FMO3: variants seen among roughly 807,000 people sequenced by gnomAD.
FMO3 encodes flavin containing dimethylaniline monoxygenase 3.
In FMO3, 40 loss-of-function variants were observed where a neutral mutation model predicts 39.4. That is an observed-to-expected ratio of 1.02 (90% confidence interval 0.79 to 1.32). The LOEUF is 1.32. Ranked by LOEUF, FMO3 falls within the 40% of genes most tolerant of loss-of-function variation. The probability of loss-of-function intolerance (pLI) is 0.00; values close to 1 mark genes in which losing one functional copy is unlikely to be tolerated. For missense variants in FMO3, 680 were observed against 651.8 expected (o/e 1.04, Z -0.47); for synonymous variants, 219 against 228.8 (o/e 0.96, Z 0.39).
rs778868969 is a variant in FMO3 at position 171,107,838 on chromosome 1, G to A, written c.484+1G>A. On this transcript the variant is annotated splice_donor_variant, in intron 4 of 8. Transcript: ENST00000367755. LOFTEE classifies it high-confidence loss of function. ...AACCTACCAAAAGAGTCCTTTCCAG[G>A]TAAGGCCAAAATTTAAGCTGCTAGC... 3 of 1,613,530 alleles carry A rather than the reference G, an allele frequency of 1.9e-6. No individual in the cohort carries two copies. Among genetic ancestry groups the A allele is most frequent in the Admixed American group, 1.7e-5 (1 of 59,970 alleles).
rs1245007185 is a variant in FMO3 at position 171,103,763 on chromosome 1, A to AT, written c.133-19dup. The AT allele has an allele frequency of 1.9e-6, 3 of 1,600,868 alleles. No homozygotes were observed. In the South Asian group the frequency reaches 3.3e-5, roughly 18 times the overall value. Reference sequence around the variant, plus strand: ...TATACTCATTTACCAATTCGCTTCCATTTGATACTATACATTCACAGGACC... The same window carrying AT: ...TATACTCATTTACCAATTCGCTTCCATTTTGATACTATACATTCACAGGACC... On this transcript the variant is annotated intron_variant, in intron 2 of 8. Transcript: ENST00000367755.
intron 6 of FMO3, 66 bp downstream of exon 6, chr1:171,111,063 C>A: frequency 7.9e-7 from 1 of 1,262,118 alleles, no homozygotes; most frequent in East Asian, 2.3e-5. Flanking sequence ...CCTTAATGTC[C>A]TGTAAGCCCA....
chr1:171,095,748 T>C (rs910575760), intron 2 of FMO3, among the ~76,000 whole-genome samples: 30 of 120,992 alleles, frequency 2.5e-4, no homozygotes, highest in Non-Finnish European at 2.7e-4. Flanking sequence ...ATATCTATAA[T>C]AATATAAATA....
Position 171,110,788 on chromosome 1 carries a change from GT to G in FMO3, c.628-4del. On this transcript the variant is annotated splice_polypyrimidine_tract_variant and intron_variant, in intron 5 of 8. Coordinates refer to ENST00000367755, the MANE Select transcript of FMO3 (RefSeq NM_001002294.3). ...TCACTAATTTCATGGTTGAATTGGT[GT>G]TTTTTAAGGTCATGATCAGTTCCAG... The G allele has an allele frequency of 1.2e-6, 2 of 1,613,586 alleles. No individual in the cohort carries two copies. Among genetic ancestry groups the G allele is most frequent in the South Asian group, 1.1e-5 (1 of 91,070 alleles).
At chr1:171,092,827 G>A in intron 2 of FMO3, 37 bp downstream of exon 2, 3 of 1,610,838 alleles carry the variant, frequency 1.9e-6, no homozygotes, top group Non-Finnish European at 2.5e-6. Context: ...AGGAAAATAG[G>A]TTGGGAAGTG....
chr1:171,091,161 G>A (rs1006017032), intron 1 of FMO3, among the ~76,000 whole-genome samples, 180 bp downstream of exon 1: 4 of 149,864 alleles, frequency 2.7e-5, no homozygotes, highest in Non-Finnish European at 5.9e-5. Flanking sequence ...GGGAGGCAGA[G>A]GTTGCAGTGA....
At chr1:171,103,551 A>G (rs2101908293) in intron 2 of FMO3, among the ~76,000 whole-genome samples, 1 of 152,336 alleles carries the variant, frequency 6.6e-6, no homozygotes, top group Admixed American at 6.5e-5. Flanking sequence ...TTTACATTGC[A>G]TTAGGTATTA....
chr1:171,108,402 A>G (rs766154092), intron 5 of FMO3, among the ~76,000 whole-genome samples, 181 bp downstream of exon 5: 7 of 152,198 alleles, frequency 4.6e-5, no homozygotes, highest in Non-Finnish European at 1.0e-4. Flanking sequence ...TTCATAGACA[A>G]AGGCAGAACA....
chr1:171,114,471 A>G, intron 7 of FMO3, 109 bp downstream of exon 7: 1 of 809,920 alleles, frequency 1.2e-6, no homozygotes, highest in Non-Finnish European at 2.1e-6. Context: ...TCAGTTTTGA[A>G]AATTTATAAT....
intron 2 of FMO3, among the ~76,000 whole-genome samples, chr1:171,093,753 A>G (rs1407040691): frequency 6.6e-6 from 1 of 151,116 alleles, no homozygotes; most frequent in Non-Finnish European, 1.5e-5. Flanking sequence ...ATTCTTTGTG[A>G]AATCTCCATA....
intron 2 of FMO3, among the ~76,000 whole-genome samples, chr1:171,094,558 A>G (rs895821132): frequency 6.6e-6 from 1 of 152,028 alleles, no homozygotes; most frequent in Non-Finnish European, 1.5e-5. Flanking sequence ...TTTTTCTAGA[A>G]TTTTTATAGT....
intron 2 of FMO3, among the ~76,000 whole-genome samples, chr1:171,099,194 G>A (rs1038877186): frequency 6.6e-6 from 1 of 152,128 alleles, no homozygotes. Flanking sequence ...CAGTTTCCAC[G>A]TAGTTGAGCG....
chr1:171,114,913 G>C (rs1656075104), intron 7 of FMO3, among the ~76,000 whole-genome samples: 1 of 152,204 alleles, frequency 6.6e-6, no homozygotes, highest in Non-Finnish European at 1.5e-5. Context: ...AATAGAGGCA[G>C]AAAGTGCTCA....
In FMO3 at chr1:171,117,632, A is replaced by C. The variant is rs528695978; in HGVS notation, c.*190A>C. Reference sequence around the variant, plus strand: ...TAGCCACTTTAAGAATCATGTCATGATCTTAAGAGAGCACTAATCATTTCT... The same window carrying C: ...TAGCCACTTTAAGAATCATGTCATGCTCTTAAGAGAGCACTAATCATTTCT... On this transcript the variant is annotated 3_prime_UTR_variant, in exon 9 of 9. Transcript: ENST00000367755. 43 of 542,622 alleles carry C rather than the reference A, an allele frequency of 7.9e-5. No homozygotes were observed. The highest frequency in any genetic ancestry group is 7.0e-4 in the African/African-American group (37 of 53,056). 33.6% of individuals were successfully genotyped at this position (542,622 alleles called of 1,614,324 possible).
At chr1:171,093,087 A>G (rs1205035342) in intron 2 of FMO3, among the ~76,000 whole-genome samples, 2 of 151,574 alleles carry the variant, frequency 1.3e-5, no homozygotes, top group Non-Finnish European at 2.9e-5. Flanking sequence ...TGTAGTTATA[A>G]TTATTTACTC....
chr1:171,115,424 G>A (rs1178627608), intron 7 of FMO3, among the ~76,000 whole-genome samples: 7 of 152,130 alleles, frequency 4.6e-5, no homozygotes, highest in Admixed American at 6.6e-5. Flanking sequence ...AGCATGACAA[G>A]TTCCAAGGCC....
rs1293277654 is a variant in FMO3 at position 171,096,658 on chromosome 1, T to TA, written c.132+3868_132+3869insA. ...TATTAAATACATAATATATTTTATA[T>TA]TTAAAATATATATTTTATATTTAAA... On this transcript the variant is annotated intron_variant, in intron 2 of 8. Coordinates refer to ENST00000367755, the MANE Select transcript of FMO3 (RefSeq NM_001002294.3). Among the ~76,000 whole-genome samples, 502 of 94,364 alleles carry TA rather than the reference T, an allele frequency of 5.3e-3. 13 individuals carry two copies. Among genetic ancestry groups the TA allele is most frequent in the African/African-American group, 0.018 (485 of 26,314 alleles). The allele number at this position is 94,364 out of a possible 152,430, so 61.9% of individuals were successfully genotyped here. A position where few individuals can be genotyped will look rare whatever the true frequency, so the allele number is the denominator to read the frequency against.
At position 171,117,703 on chromosome 1, in the gene FMO3, A is replaced by G. The variant is rs964803205; in HGVS notation, c.*261A>G. 1 of 351,934 alleles carries G rather than the reference A, an allele frequency of 2.8e-6. No homozygotes were observed. The highest frequency in any genetic ancestry group is 5.1e-6 in the Non-Finnish European group (1 of 194,842). The allele number at this position is 351,934 out of a possible 1,614,324, so 21.8% of individuals were successfully genotyped here. ...TCAAAATCAGAACTATGTTCTTTAT[A>G]TCTAACTTAAATCATTTCCTGAAAC... On this transcript the variant is annotated 3_prime_UTR_variant, in exon 9 of 9. Coordinates refer to ENST00000367755, the MANE Select transcript of FMO3 (RefSeq NM_001002294.3).
chr1:171,096,313 A>G (rs1159741125), intron 2 of FMO3, among the ~76,000 whole-genome samples: 3 of 95,444 alleles, frequency 3.1e-5, no homozygotes, highest in African/African-American at 8.9e-5. Context: ...CATATATAAT[A>G]TTTATATATA....
Sources: gnomAD v4.1 joint callset for allele counts (sites outside exome capture counted in the v4.1 genomes callset) on GRCh38, gnomAD v4.1.1 for gene constraint, MANE v1.5 for transcripts, NCBI Gene and HGNC (gene_info 2026-07-23, HGNC 2026-07-21) for gene names.